The following ZNF367 variants were observed in gnomAD, a reference collection of about 807,000 sequenced individuals.
ZNF367 encodes the protein zinc finger protein 367.
ZNF367 carries 11 observed loss-of-function variants against 31.8 expected under a neutral mutation model. That is an observed-to-expected ratio of 0.35 (90% CI 0.22 to 0.57). The LOEUF (loss-of-function observed/expected upper bound fraction) is 0.57. Among genes scored for constraint, ZNF367 ranks in the 20% least tolerant of loss-of-function variants. The pLI is 0.85. For synonymous variants in ZNF367, 199 were observed against 202.4 expected, an observed-to-expected ratio of 0.98 and a Z score of 0.14; for missense variants, 353 against 484.1, an observed-to-expected ratio of 0.73 and a Z score of 2.54.
intron 1 of ZNF367, among the ~76,000 whole-genome samples, chr9:96,415,828 G>A (rs1564146197): frequency 1.3e-5 from 2 of 151,670 alleles, no homozygotes; most frequent in South Asian, 2.1e-4. Context: ...AAAGAGTTGA[G>A]GTCTTGCTTT....
At chr9:96,406,617 C>T (rs1245001391) in intron 1 of ZNF367, among the ~76,000 whole-genome samples, 2 of 152,136 alleles carry the variant, frequency 1.3e-5, no homozygotes, top group African/African-American at 2.4e-5. Flanking sequence ...GCGTACTAAA[C>T]AGGAACACCT....
At chr9:96,408,011 A>ATAAG (rs1393224544) in intron 1 of ZNF367, among the ~76,000 whole-genome samples, 1 of 150,512 alleles carries the variant, frequency 6.6e-6, no homozygotes, top group Non-Finnish European at 1.5e-5. Flanking sequence ...AAATAAATAA[A>ATAAG]TAAATAAACG....
At chr9:96,414,467 C>A (rs143905644) in intron 1 of ZNF367, among the ~76,000 whole-genome samples, 150 of 152,266 alleles carry the variant, frequency 9.9e-4, no homozygotes, top group African/African-American at 3.1e-3. Flanking sequence ...ACAATTCAAA[C>A]CCATGCATCT....
chr9:96,407,837 T>C, intron 1 of ZNF367: 1 of 797,826 alleles, frequency 1.3e-6, no homozygotes, highest in South Asian at 2.1e-5. Context: ...ATGGTCTCGA[T>C]CTCTCTGATC....
At chr9:96,392,036 G>C (rs951328708) in intron 4 of ZNF367, among the ~76,000 whole-genome samples, 1 of 152,094 alleles carries the variant, frequency 6.6e-6, no homozygotes, top group Non-Finnish European at 1.5e-5. Flanking sequence ...CACCTCGGCT[G>C]TCTATCCCTG....
chr9:96,417,760 G>A lies in ZNF367; in HGVS notation c.273C>T (p.Ala91=). 8.1e-7 allele frequency: 1 copy of A among 1,237,280 alleles called. No homozygotes were observed. Among genetic ancestry groups the A allele is most frequent in the Non-Finnish European group, 1.0e-6 (1 of 988,918 alleles). The allele number at this position is 1,237,280 out of a possible 1,614,324, so 76.6% of individuals were successfully genotyped here. ...CTGCGGCTGCAGGCAGGGCGGCCGAGGCGGCGGCCCCCGCGGCCCCAGGGC... is the reference window on the plus strand; with the variant it reads ...CTGCGGCTGCAGGCAGGGCGGCCGAAGCGGCGGCCCCCGCGGCCCCAGGGC... ...TLSPGAAGAA[A]SAALPAAAAA... is the part of the protein sequence containing the mutation. Residue 91 remains alanine, a synonymous_variant, in exon 1 of 5, where the codon GCC becomes GCT. Coordinates refer to ENST00000375256, the MANE Select transcript of ZNF367 (RefSeq NM_153695.4). This position sits in a 1 kb window ranked among gnomAD's most constrained non-coding sequence, Gnocchi z 5.0.
chr9:96,417,414 C>A lies in ZNF367; in HGVS notation c.420+199G>T, dbSNP rs1005254286. The stretch of plus-strand genomic sequence containing the variant: ...CTGCCGCAAGGACGGTCTCCCGCGC[C>A]GCTCCCGCCTGTCACGTGACAGGCC... On this transcript the variant is annotated intron_variant, in intron 1 of 4. Coordinates refer to ENST00000375256, the MANE Select transcript of ZNF367 (RefSeq NM_153695.4). This position sits in a 1 kb window ranked among gnomAD's most constrained non-coding sequence, Gnocchi z 5.0. 3.5e-5 allele frequency among the ~76,000 whole-genome samples: 5 copies of A among 142,820 alleles called. No individual in the cohort carries two copies. The highest frequency in any genetic ancestry group is 1.1e-4 in the African/African-American group (4 of 36,714). The allele number at this position is 142,820 out of a possible 152,430, so 93.7% of individuals were successfully genotyped here.
chr9:96,411,827 T>C (rs1026807162), intron 1 of ZNF367, among the ~76,000 whole-genome samples: 11 of 152,134 alleles, frequency 7.2e-5, no homozygotes, highest in Admixed American at 6.5e-5. Context: ...TGGGTTTTTT[T>C]GTTTTGTTTT....
intron 4 of ZNF367, among the ~76,000 whole-genome samples, chr9:96,390,927 C>G (rs1489006573): frequency 6.9e-6 from 1 of 144,548 alleles, no homozygotes; most frequent in Non-Finnish European, 1.5e-5. Flanking sequence ...GACCAGTAAG[C>G]TTCTGGCTGG....
intron 1 of ZNF367, among the ~76,000 whole-genome samples, chr9:96,412,003 T>G (rs1338460926): frequency 1.3e-5 from 2 of 152,274 alleles, no homozygotes; most frequent in East Asian, 3.9e-4. Context: ...AATTAATAAG[T>G]GCATTATTTT....
intron 1 of ZNF367, among the ~76,000 whole-genome samples, chr9:96,404,320 C>G (rs1445582553): frequency 1.3e-5 from 2 of 152,058 alleles, no homozygotes; most frequent in Non-Finnish European, 2.9e-5. Context: ...CTTGGCCAGG[C>G]GCAGTGGCTC....
At chr9:96,404,745 A>G (rs1315937586) in intron 1 of ZNF367, among the ~76,000 whole-genome samples, 2 of 152,236 alleles carry the variant, frequency 1.3e-5, no homozygotes, top group Admixed American at 6.5e-5. Context: ...CTAAGCAACA[A>G]AAGAATAAAT....
At chr9:96,397,420 C>T (rs1265985874) in intron 2 of ZNF367, among the ~76,000 whole-genome samples, 2 of 152,028 alleles carry the variant, frequency 1.3e-5, no homozygotes, top group African/African-American at 4.8e-5. Flanking sequence ...CATAGTTCAC[C>T]ACAGATTTAA....
intron 1 of ZNF367, among the ~76,000 whole-genome samples, chr9:96,414,484 C>A (rs771398322): frequency 1.3e-5 from 2 of 151,852 alleles, no homozygotes; most frequent in Admixed American, 1.3e-4. Context: ...ATCTTGTTAG[C>A]AATTTTTTTT....
chr9:96,398,909 C>T (rs1440588758), intron 1 of ZNF367, among the ~76,000 whole-genome samples: 1 of 152,150 alleles, frequency 6.6e-6, no homozygotes, highest in African/African-American at 2.4e-5. Flanking sequence ...AGACATTGGT[C>T]TTTGCTTTCC....
At chr9:96,416,073 TTTTTTTTTTTGTTG>T (rs1371553531) in intron 1 of ZNF367, among the ~76,000 whole-genome samples, 2 of 137,798 alleles carry the variant, frequency 1.5e-5, no homozygotes, top group East Asian at 4.0e-4. Context: ...TCTGTTATGG[TTTTTTTTTTTGTTG>T]TTTTTTTTTT....
Position 96,418,013 on chromosome 9 carries a change from G to A in ZNF367, c.20C>T (p.Ala7Val), listed in dbSNP as rs1297814947. 2 of 1,386,260 alleles carry A rather than the reference G, an allele frequency of 1.4e-6. No homozygotes were observed. The highest frequency in any genetic ancestry group is 1.9e-6 in the Non-Finnish European group (2 of 1,077,128). The allele number at this position is 1,386,260 out of a possible 1,614,324, so 85.9% of individuals were successfully genotyped here. A position where few individuals can be genotyped will look rare whatever the true frequency, so the allele number is the denominator to read the frequency against. Residue 7 changes from alanine (A) to valine (V), a missense_variant, in exon 1 of 5, where the codon GCG (alanine) becomes GTG (valine). Ala to Val is a moderately conservative substitution (Grantham distance 64, BLOSUM62 0). Transcript: ENST00000375256. MIRGFE[A>V]PMAENPPPPP... Reference sequence around the variant, plus strand: ...CGGCGGCGGGTTCTCCGCCATGGGCGCCTCGAAGCCCCGGATCATCGCCCG... The same window carrying A: ...CGGCGGCGGGTTCTCCGCCATGGGCACCTCGAAGCCCCGGATCATCGCCCG...
chr9:96,394,727 T>A lies in ZNF367; in HGVS notation c.691+96A>T, dbSNP rs1831510295. 3 of 1,153,280 alleles carry A rather than the reference T, an allele frequency of 2.6e-6. No homozygotes were observed. In the Admixed American group the frequency reaches 8.4e-5, roughly 32 times the overall value. The allele number at this position is 1,153,280 out of a possible 1,614,324, so 71.4% of individuals were successfully genotyped here. On this transcript the variant is annotated intron_variant, in intron 3 of 4. Coordinates refer to ENST00000375256, the MANE Select transcript of ZNF367 (RefSeq NM_153695.4). ...TTATAAAGTTTTATAAAATTTATATTAAAAAATCTTTCCCCTCAAAAAAAT... is the reference window on the plus strand; with the variant it reads ...TTATAAAGTTTTATAAAATTTATATAAAAAAATCTTTCCCCTCAAAAAAAT...
chr9:96,407,691 T>C lies in ZNF367; in HGVS notation c.421-9377A>G, dbSNP rs562255199. On this transcript the variant is annotated intron_variant, in intron 1 of 4. Transcript: ENST00000375256. ...AGGGAGAAGCAGAAGTATTAAAAGT[T>C]ATTCGAACAGGAAAGAAGGCATGGA... 2.1e-6 allele frequency: 3 copies of C among 1,410,766 alleles called. No homozygotes were observed. In the East Asian group the frequency reaches 6.8e-5, roughly 32 times the overall value. The allele number at this position is 1,410,766 out of a possible 1,614,324, so 87.4% of individuals were successfully genotyped here.
Sources: gnomAD v4.1 joint callset for allele counts (sites outside exome capture counted in the v4.1 genomes callset) on GRCh38, gnomAD v4.1.1 for gene constraint, Gnocchi (gnomAD v3.1) non-coding constraint, MANE v1.5 for transcripts, NCBI Gene and HGNC (gene_info 2026-07-23, HGNC 2026-07-21) for gene names.